Variants in MGAT4C observed in about 807,000 individuals in gnomAD.
MGAT4C encodes the protein MGAT4 family member C.
In MGAT4C, 19 loss-of-function variants were observed where a neutral mutation model predicts 40.1. The observed-to-expected ratio is 0.47, with a 90% CI of 0.33 to 0.70. The LOEUF is 0.70. Ranked by LOEUF, MGAT4C falls within the 30% of genes least tolerant of loss-of-function variation. MGAT4C has a pLI of 0.02. For missense variants in MGAT4C, 491 were observed against 563.2 expected (o/e 0.87, Z 1.30); for synonymous variants, 181 against 187.1 (o/e 0.97, Z 0.27).
chr12:85,965,557 A>T lies in MGAT4C; in HGVS notation c.*13732T>A, dbSNP rs1053681788. On this transcript the variant is annotated 3_prime_UTR_variant, in exon 5 of 5. Transcript: ENST00000611864. Reference sequence around the variant, plus strand: ...ACTTGCAGTGAGCGGAGATAGTGCCACTGCAGTCCGGCCTGGGCAAAAGAG... The same window carrying T: ...ACTTGCAGTGAGCGGAGATAGTGCCTCTGCAGTCCGGCCTGGGCAAAAGAG... 4.2e-5 allele frequency: 6 copies of T among 142,216 alleles called. No individual in the cohort carries two copies. Among genetic ancestry groups the T allele is most frequent in the African/African-American group, 1.3e-4 (5 of 37,968 alleles). The allele number at this position is 142,216 out of a possible 1,614,324, so 8.8% of individuals were successfully genotyped here.
chr12:86,732,576 G>A (rs1950927873), intron 1 of MGAT4C, among the ~76,000 whole-genome samples: 1 of 152,064 alleles, frequency 6.6e-6, no homozygotes, highest in South Asian at 2.1e-4. Context: ...TGCATGTGCA[G>A]TTCACTAGAG....
chr12:86,579,567 T>C (rs990247554), intron 2 of MGAT4C, among the ~76,000 whole-genome samples: 20 of 151,686 alleles, frequency 1.3e-4, no homozygotes, highest in African/African-American at 4.1e-4. Flanking sequence ...TCTTTTTACT[T>C]AGGATAAGAG....
At chr12:86,200,550 G>C (rs1280270063) in intron 1 of MGAT4C, among the ~76,000 whole-genome samples, 1 of 152,074 alleles carries the variant, frequency 6.6e-6, no homozygotes, top group Non-Finnish European at 1.5e-5. Flanking sequence ...CCTTCTAGTA[G>C]ATAAAAGGCC....
At chr12:86,543,020 A>T (rs1233778484) in intron 2 of MGAT4C, among the ~76,000 whole-genome samples, 1 of 152,072 alleles carries the variant, frequency 6.6e-6, no homozygotes, top group Non-Finnish European at 1.5e-5. Flanking sequence ...AAGTCTAACT[A>T]GACATATGTT....
At chr12:86,294,163 A>C (rs1186016364) in intron 4 of MGAT4C, among the ~76,000 whole-genome samples, 3 of 152,162 alleles carry the variant, frequency 2.0e-5, no homozygotes, top group Non-Finnish European at 2.9e-5. Flanking sequence ...TTCAACTGTA[A>C]CTTAGACTTC....
intron 2 of MGAT4C, among the ~76,000 whole-genome samples, chr12:86,488,687 G>C (rs968867736): frequency 8.5e-5 from 13 of 152,058 alleles, no homozygotes; most frequent in Non-Finnish European, 2.9e-5. Flanking sequence ...TTCTCAGTTG[G>C]AGATTATTCT....
intron 4 of MGAT4C, among the ~76,000 whole-genome samples, chr12:86,287,381 A>G (rs983802174): frequency 2.6e-5 from 1 of 39,162 alleles, no homozygotes; most frequent in Admixed American, 2.7e-4. Flanking sequence ...TTATACTTTA[A>G]GTTCTGGGAT....
chr12:86,265,432 A>G (rs1438530858), intron 4 of MGAT4C, among the ~76,000 whole-genome samples: 5 of 152,260 alleles, frequency 3.3e-5, no homozygotes, highest in Admixed American at 2.6e-4. Context: ...CCTTTCCCCA[A>G]TGTGTATTCT....
intron 4 of MGAT4C, among the ~76,000 whole-genome samples, chr12:86,324,851 C>T (rs1954488544): frequency 6.6e-6 from 1 of 152,080 alleles, no homozygotes; most frequent in Non-Finnish European, 1.5e-5. Context: ...ACTTGGATAA[C>T]AGTCTTAGAA....
intron 2 of MGAT4C, among the ~76,000 whole-genome samples, chr12:86,705,459 A>G (rs2136622475): frequency 1.3e-5 from 2 of 152,226 alleles, no homozygotes; most frequent in South Asian, 4.1e-4. Context: ...AACAGAATTG[A>G]AAATTTACTG....
At chr12:86,502,876 T>C (rs1266305210) in intron 2 of MGAT4C, among the ~76,000 whole-genome samples, 6 of 89,844 alleles carry the variant, frequency 6.7e-5, no homozygotes, top group Non-Finnish European at 1.0e-4. Flanking sequence ...TATATATATA[T>C]ATATGAGTTC....
At chr12:86,831,357 T>A (rs1952924349) in intron 1 of MGAT4C, among the ~76,000 whole-genome samples, 1 of 151,726 alleles carries the variant, frequency 6.6e-6, no homozygotes, top group African/African-American at 2.4e-5. Flanking sequence ...GGGTGTTTAA[T>A]GTTACAAATC....
At chr12:86,133,193 TAGAA>T (rs1187843626) in intron 1 of MGAT4C, among the ~76,000 whole-genome samples, 2 of 152,246 alleles carry the variant, frequency 1.3e-5, no homozygotes, top group Non-Finnish European at 2.9e-5. Flanking sequence ...AAAATGTACT[TAGAA>T]AGCACATGTT....
intron 1 of MGAT4C, among the ~76,000 whole-genome samples, chr12:86,174,198 A>G (rs866430182): frequency 6.6e-6 from 1 of 151,576 alleles, no homozygotes; most frequent in African/African-American, 2.4e-5. Context: ...CATTTTTGAT[A>G]TTTCTATTTT....
chr12:86,423,222 G>A (rs985286892), intron 3 of MGAT4C, among the ~76,000 whole-genome samples: 1 of 151,790 alleles, frequency 6.6e-6, no homozygotes, highest in Non-Finnish European at 1.5e-5. Context: ...AAACTTTATG[G>A]ATTTCACATA....
At chr12:86,091,121 T>G (rs2135569496) in intron 1 of MGAT4C, among the ~76,000 whole-genome samples, 1 of 152,040 alleles carries the variant, frequency 6.6e-6, no homozygotes, top group Non-Finnish European at 1.5e-5. Flanking sequence ...ACACAAGAAA[T>G]ATTCTAATTC....
chr12:86,128,390 T>C (rs115980348), intron 1 of MGAT4C, among the ~76,000 whole-genome samples: 2,676 of 152,240 alleles, frequency 0.018, 76 homozygotes, highest in African/African-American at 0.061. Flanking sequence ...TGGTAGTGAA[T>C]AAATCACACG....
At chr12:86,206,948 A>G (rs946414747) in intron 1 of MGAT4C, among the ~76,000 whole-genome samples, 8 of 152,302 alleles carry the variant, frequency 5.3e-5, no homozygotes, top group Non-Finnish European at 8.8e-5. Flanking sequence ...TATGCCAGGT[A>G]CTTTTCCATG....
chr12:86,434,296 G>A (rs2136272212), intron 3 of MGAT4C, among the ~76,000 whole-genome samples: 1 of 151,992 alleles, frequency 6.6e-6, no homozygotes, highest in Non-Finnish European at 1.5e-5. Flanking sequence ...TGAAAAGGAA[G>A]GGCCATATAA....
Sources: gnomAD v4.1 joint callset for allele counts (sites outside exome capture counted in the v4.1 genomes callset) on GRCh38, gnomAD v4.1.1 for gene constraint, MANE v1.5 for transcripts, NCBI Gene and HGNC (gene_info 2026-07-23, HGNC 2026-07-21) for gene names.